SIAH2: variants seen among roughly 807,000 people sequenced by gnomAD.
SIAH2 encodes the protein E3 ubiquitin-protein ligase SIAH2.
In SIAH2, 4 loss-of-function variants were observed where a neutral mutation model predicts 20.4. The observed-to-expected ratio is 0.20, with a 90% CI of 0.10 to 0.45. The LOEUF is 0.45. SIAH2 is among the 20% of genes least tolerant of loss of function. The pLI, the probability that SIAH2 is intolerant of heterozygous loss-of-function variation, is 0.99. For synonymous variants in SIAH2, 171 were observed against 192.5 expected (o/e 0.89, Z 0.93); for missense variants, 259 against 440.3 (o/e 0.59, Z 3.69).
intron 1 of SIAH2, among the ~76,000 whole-genome samples, chr3:150,758,619 G>A (rs1319966940): frequency 4.7e-5 from 7 of 148,104 alleles, no homozygotes; most frequent in Admixed American, 3.4e-4. Context: ...CACCCAGGCT[G>A]GAGTGCAGTG....
chr3:150,762,808 G>A lies in SIAH2; in HGVS notation c.42C>T (p.Pro14=). 1.6e-6 allele frequency: 2 copies of A among 1,226,744 alleles called. No homozygotes were observed. The highest frequency in any genetic ancestry group is 2.1e-6 in the Non-Finnish European group (2 of 970,950). The allele number at this position is 1,226,744 out of a possible 1,614,324, so 76.0% of individuals were successfully genotyped here. A position where few individuals can be genotyped will look rare whatever the true frequency, so the allele number is the denominator to read the frequency against. Reference sequence around the variant, plus strand: ...GCTGCGGCGGCGGCTGCTTGCTGCAGGGTTTATTAGCGCTGGGGCCGGTGG... The same window carrying A: ...GCTGCGGCGGCGGCTGCTTGCTGCAAGGTTTATTAGCGCTGGGGCCGGTGG... The part of the protein sequence containing the change: ...PSSTGPSANK[P]CSKQPPPQPQ... Residue 14 remains proline (P), a synonymous_variant, in exon 1 of 2, where the codon CCC becomes CCT. Coordinates refer to ENST00000312960, the MANE Select transcript of SIAH2 (RefSeq NM_005067.7). The surrounding 1 kb of genome is among the most constrained non-coding windows in gnomAD (Gnocchi z 6.6).
At chr3:150,755,153 T>G (rs1020375068) in intron 1 of SIAH2, among the ~76,000 whole-genome samples, 3 of 151,618 alleles carry the variant, frequency 2.0e-5, no homozygotes, top group African/African-American at 7.3e-5. Context: ...GGGGCTGGAG[T>G]TGGGATTTGG....
At position 150,741,400 on chromosome 3, in the gene SIAH2, T is replaced by A. The variant is rs1411100456; in HGVS notation, c.*741A>T. Reference sequence around the variant, plus strand: ...CTAGGCAATCCACCCAAAACATAGGTGAGTGGCCAAATCTCAGGCGTGCGT... The same window carrying A: ...CTAGGCAATCCACCCAAAACATAGGAGAGTGGCCAAATCTCAGGCGTGCGT... On this transcript the variant is annotated 3_prime_UTR_variant, in exon 2 of 2. Transcript: ENST00000312960. The A allele has an allele frequency of 1.3e-5, 2 of 152,678 alleles. No homozygotes were observed. Among genetic ancestry groups the A allele is most frequent in the East Asian group, 3.9e-4 (2 of 5,172 alleles). 9.5% of individuals were successfully genotyped at this position (152,678 alleles called of 1,614,324 possible). A position where few individuals can be genotyped will look rare whatever the true frequency, so the allele number is the denominator to read the frequency against.
intron 1 of SIAH2, among the ~76,000 whole-genome samples, chr3:150,755,535 G>A (rs1484765313): frequency 6.6e-6 from 1 of 151,064 alleles, no homozygotes; most frequent in Admixed American, 6.6e-5. Context: ...TATTTTTTGA[G>A]ACGGAGTTTC....
At chr3:150,761,339 C>T (rs1317207725) in intron 1 of SIAH2, among the ~76,000 whole-genome samples, 3 of 152,192 alleles carry the variant, frequency 2.0e-5, no homozygotes, top group African/African-American at 7.2e-5. Flanking sequence ...AAGGTTTCCA[C>T]GTAATAGCTG....
At chr3:150,752,407 G>A (rs778035985) in intron 1 of SIAH2, among the ~76,000 whole-genome samples, 2 of 152,196 alleles carry the variant, frequency 1.3e-5, no homozygotes, top group East Asian at 1.9e-4. Context: ...TCAGGAGTTC[G>A]AGAACAGTCT....
chr3:150,750,575 G>T (rs1237321029), intron 1 of SIAH2, among the ~76,000 whole-genome samples: 1 of 151,878 alleles, frequency 6.6e-6, no homozygotes, highest in African/African-American at 2.4e-5. Context: ...GGAGTGAGAA[G>T]ATTTAAAAAT....
At chr3:150,760,573 T>G (rs550597300) in intron 1 of SIAH2, among the ~76,000 whole-genome samples, 1 of 152,388 alleles carries the variant, frequency 6.6e-6, no homozygotes, top group South Asian at 2.1e-4. Context: ...CATAACTGTT[T>G]CCTTCCCTTT....
chr3:150,754,771 C>T (rs915214158), intron 1 of SIAH2, among the ~76,000 whole-genome samples: 53 of 151,644 alleles, frequency 3.5e-4, no homozygotes, highest in Admixed American at 6.6e-4. Context: ...AAATATAATA[C>T]ATATAATTTA....
intron 1 of SIAH2, among the ~76,000 whole-genome samples, chr3:150,743,136 A>G (rs1373062804): frequency 6.6e-6 from 1 of 152,224 alleles, no homozygotes; most frequent in African/African-American, 2.4e-5. Flanking sequence ...ACATATAGAC[A>G]ATATTAACAA....
chr3:150,760,494 GA>G (rs768172635), intron 1 of SIAH2, among the ~76,000 whole-genome samples: 7 of 152,186 alleles, frequency 4.6e-5, no homozygotes, highest in Non-Finnish European at 8.8e-5. Flanking sequence ...TTCACGTTAG[GA>G]AAGAACGTAT....
At position 150,742,804 on chromosome 3, in the gene SIAH2, T is replaced by C; in HGVS notation, c.418-106A>G. ...TCCATTTTCCTGGGCTTAAACTGTG[T>C]TCTTAACTACTTTTGCTCAAAGCAA... On this transcript the variant is annotated intron_variant, in intron 1 of 1. Transcript: ENST00000312960. This position sits in a 1 kb window ranked among gnomAD's most constrained non-coding sequence, Gnocchi z 4.8. 1 of 899,116 alleles carries C rather than the reference T, an allele frequency of 1.1e-6. No homozygotes were observed. Among genetic ancestry groups the C allele is most frequent in the Non-Finnish European group, 1.6e-6 (1 of 622,728 alleles). The allele number at this position is 899,116 out of a possible 1,614,324, so 55.7% of individuals were successfully genotyped here.
intron 1 of SIAH2, among the ~76,000 whole-genome samples, chr3:150,749,071 AG>A (rs1300566478): frequency 6.6e-6 from 1 of 152,258 alleles, no homozygotes; most frequent in Non-Finnish European, 1.5e-5. Flanking sequence ...GTTAAAAAAA[AG>A]TACGAGCAAA....
chr3:150,743,410 C>T (rs1415972988), intron 1 of SIAH2, among the ~76,000 whole-genome samples: 1 of 152,242 alleles, frequency 6.6e-6, no homozygotes, highest in Non-Finnish European at 1.5e-5. Context: ...ACTCAGAAGA[C>T]TACTGGTCAG....
intron 1 of SIAH2, among the ~76,000 whole-genome samples, chr3:150,744,895 G>T (rs890495171): frequency 2.6e-5 from 4 of 152,126 alleles, no homozygotes; most frequent in Non-Finnish European, 4.4e-5. Flanking sequence ...TCAAGTAGGA[G>T]TATTTATACT....
Position 150,762,223 on chromosome 3 carries a change from A to G in SIAH2, c.417+210T>C. 9.7e-7 allele frequency: 1 copy of G among 1,032,302 alleles called. No homozygotes were observed. Among genetic ancestry groups the G allele is most frequent in the South Asian group, 1.7e-5 (1 of 57,470 alleles). The allele number at this position is 1,032,302 out of a possible 1,614,324, so 63.9% of individuals were successfully genotyped here. On this transcript the variant is annotated intron_variant, in intron 1 of 1. Transcript: ENST00000312960. This position sits in a 1 kb window ranked among gnomAD's most constrained non-coding sequence, Gnocchi z 6.6. Reference sequence around the variant, plus strand: ...TCAGCAAATGCCAATTAATCTGTTAATTGTCTATTAACAATTATTACTCGG... The same window carrying G: ...TCAGCAAATGCCAATTAATCTGTTAGTTGTCTATTAACAATTATTACTCGG...
intron 1 of SIAH2, among the ~76,000 whole-genome samples, chr3:150,751,125 G>A (rs1714349146): frequency 6.6e-6 from 1 of 152,274 alleles, no homozygotes; most frequent in Admixed American, 6.5e-5. Context: ...GAACTCTGCT[G>A]TGAGGCAGTG....
At chr3:150,746,350 C>T (rs771396724) in intron 1 of SIAH2, among the ~76,000 whole-genome samples, 7 of 152,118 alleles carry the variant, frequency 4.6e-5, no homozygotes, top group Non-Finnish European at 7.4e-5. Context: ...GAGCTGAGAT[C>T]GTGCCACTGC....
At chr3:150,752,934 C>G (rs114086903) in intron 1 of SIAH2, among the ~76,000 whole-genome samples, 1,713 of 152,232 alleles carry the variant, frequency 0.011, 21 homozygotes, top group Middle Eastern at 0.02. Flanking sequence ...GAGTTTCTGC[C>G]CCCAAACTTA....
Sources: allele counts gnomAD v4.1 joint callset (sites outside exome capture counted in the v4.1 genomes callset), GRCh38; gene constraint gnomAD v4.1.1; non-coding constraint Gnocchi (gnomAD v3.1); transcripts MANE v1.5; gene names NCBI Gene and HGNC (gene_info 2026-07-23, HGNC 2026-07-21).